The following PTPRD variants were observed in gnomAD, a reference collection of about 807,000 sequenced individuals.
PTPRD encodes protein tyrosine phosphatase receptor type D.
A neutral mutation model predicts 214.5 loss-of-function variants in PTPRD; 34 were observed. The observed-to-expected ratio is 0.16, with a 90% confidence interval of 0.12 to 0.21. The LOEUF (loss-of-function observed/expected upper bound fraction) is 0.21, where lower values mean the gene tolerates loss of function less well. PTPRD is among the 10% of genes least tolerant of loss of function. The pLI, the probability that PTPRD is intolerant of heterozygous loss-of-function variation, is 1.00. For missense variants in PTPRD, 2,545 were observed against 2,398.7 expected (o/e 1.06, Z -1.27); for synonymous variants, 1,128 against 845.7 (o/e 1.33, Z -5.79).
chr9:8,849,207 G>T (rs561894819), intron 11 of PTPRD, among the ~76,000 whole-genome samples: 2 of 118,866 alleles, frequency 1.7e-5, no homozygotes, highest in Admixed American at 2.4e-4. Context: ...ACGGAGTCTC[G>T]CTTTGTCCCC....
At chr9:10,611,904 C>CA (rs2081080002) in intron 2 of PTPRD, among the ~76,000 whole-genome samples, 2 of 104,838 alleles carry the variant, frequency 1.9e-5, no homozygotes, top group Admixed American at 1.0e-4. Flanking sequence ...TTCCCTTTTC[C>CA]GCCCCCCCCC....
Position 9,921,885 on chromosome 9 carries a change from G to C in PTPRD, c.-368+16622C>G, listed in dbSNP as rs554293320. On this transcript the variant is annotated intron_variant, in intron 5 of 45. Transcript: ENST00000381196. ...ATCATTACCTCCATTTTATAAATGAGGAAATGGTGAATCATTAAGCAATTT... is the reference window on the plus strand; with the variant it reads ...ATCATTACCTCCATTTTATAAATGACGAAATGGTGAATCATTAAGCAATTT... 4.1e-4 allele frequency among the ~76,000 whole-genome samples: 63 copies of C among 152,138 alleles called. No individual in the cohort carries two copies. The South Asian group carries it at 6.8e-3, about 17-fold the overall frequency.
At chr9:10,023,961 T>C (rs1169130975) in intron 4 of PTPRD, among the ~76,000 whole-genome samples, 1 of 151,234 alleles carries the variant, frequency 6.6e-6, no homozygotes. Context: ...ACAGCTTTAA[T>C]TGATATGCTC....
At position 10,466,623 on chromosome 9, in the gene PTPRD, CAAAAAAAAAAAAA is replaced by C. The variant is rs66705572; in HGVS notation, c.-599-125619_-599-125607del. ...GGGCAACAAGAGCGAAACTCCAACT[CAAAAAAAAAAAAA>C]AAAAAAAAAAAAAAAGAAAAGAAAT... On this transcript the variant is annotated intron_variant, in intron 2 of 45. Coordinates refer to ENST00000381196, the MANE Select transcript of PTPRD (RefSeq NM_002839.4). 7.8e-5 allele frequency among the ~76,000 whole-genome samples: 6 copies of C among 76,872 alleles called. No homozygotes were observed. The East Asian group carries it at 1.2e-3, about 15-fold the overall frequency. 50.4% of individuals were successfully genotyped at this position (76,872 alleles called of 152,430 possible).
At chr9:10,464,718 G>C (rs1036558340) in intron 2 of PTPRD, among the ~76,000 whole-genome samples, 4 of 151,106 alleles carry the variant, frequency 2.6e-5, no homozygotes, top group African/African-American at 9.8e-5. Context: ...ATTTTTTAAA[G>C]TAGAAAAAAA....
At chr9:8,808,462 C>CTTTTTTTTTT (rs34627797) in intron 11 of PTPRD, among the ~76,000 whole-genome samples, 26 of 98,756 alleles carry the variant, frequency 2.6e-4, no homozygotes, top group East Asian at 3.0e-4. Flanking sequence ...AGCCCCCCAC[C>CTTTTTTTTTT]TTTTTTTTTT....
intron 2 of PTPRD, among the ~76,000 whole-genome samples, chr9:10,510,706 T>C (rs2047711121): frequency 6.6e-6 from 1 of 152,292 alleles, no homozygotes; most frequent in African/African-American, 2.4e-5. Flanking sequence ...TTTCTTTGTG[T>C]TGGAAACATT....
intron 3 of PTPRD, among the ~76,000 whole-genome samples, chr9:10,060,712 A>C (rs1169831215): frequency 6.6e-6 from 1 of 151,836 alleles, no homozygotes; most frequent in Non-Finnish European, 1.5e-5. Context: ...CTTTTTAAAA[A>C]GTATTATATT....
intron 12 of PTPRD, among the ~76,000 whole-genome samples, chr9:8,698,981 C>G (rs1020082251): frequency 7.9e-5 from 12 of 152,098 alleles, no homozygotes; most frequent in Non-Finnish European, 1.5e-4. Context: ...CTGGGCAAAT[C>G]CTTCATGAGA....
rs368672337 is a variant in PTPRD at position 9,496,807 on chromosome 9, T to C, written c.-237+77925A>G. Among the ~76,000 whole-genome samples, 7 of 152,282 alleles carry C rather than the reference T, an allele frequency of 4.6e-5. 1 individual carries two copies. The highest frequency in any genetic ancestry group is 6.5e-5 in the Admixed American group (1 of 15,296). On this transcript the variant is annotated intron_variant, in intron 8 of 45. Transcript: ENST00000381196. ...TTGAAGAGACATTTATACACCCATG[T>C]TTAGTGGCATTATTCACAGTAGCTA... is the stretch of plus-strand genomic sequence containing the variant.
chr9:10,551,082 G>A (rs563378447), intron 2 of PTPRD, among the ~76,000 whole-genome samples: 19 of 152,148 alleles, frequency 1.2e-4, no homozygotes, highest in African/African-American at 3.9e-4. Context: ...GCCTGTAATC[G>A]CAGTCCTTTG....
chr9:8,749,477 C>G (rs942740117), intron 11 of PTPRD, among the ~76,000 whole-genome samples: 1 of 152,176 alleles, frequency 6.6e-6, no homozygotes, highest in Non-Finnish European at 1.5e-5. Context: ...CGTGAGCCAC[C>G]ATGACCAGGT....
At chr9:8,895,436 T>C (rs1032609666) in intron 11 of PTPRD, among the ~76,000 whole-genome samples, 16 of 152,202 alleles carry the variant, frequency 1.1e-4, no homozygotes, top group Admixed American at 1.0e-3. Flanking sequence ...AATTCAGTGA[T>C]AGTGAGTTTG....
Position 8,317,855 on chromosome 9 carries a change from C to G in PTPRD, c.*19G>C, listed in dbSNP as rs753831622. The G allele has an allele frequency of 3.9e-5, 63 of 1,610,832 alleles. No homozygotes were observed. The highest frequency in any genetic ancestry group is 3.3e-5 in the Non-Finnish European group (39 of 1,177,772). ...TATTGAAGGGCCTGTAGTAAAAATC[C>G]AGAATGGGTCAGGGGTTTCTACGTT... is the stretch of plus-strand genomic sequence containing the variant. On this transcript the variant is annotated 3_prime_UTR_variant, in exon 46 of 46. Coordinates refer to ENST00000381196, the MANE Select transcript of PTPRD (RefSeq NM_002839.4).
intron 11 of PTPRD, among the ~76,000 whole-genome samples, chr9:8,798,539 C>A (rs866362902): frequency 6.6e-6 from 1 of 152,298 alleles, no homozygotes; most frequent in African/African-American, 2.4e-5. Context: ...TCTGAACCAT[C>A]TTTAATAAAG....
At chr9:9,266,227 A>C (rs1033398912) in intron 9 of PTPRD, among the ~76,000 whole-genome samples, 4 of 151,432 alleles carry the variant, frequency 2.6e-5, no homozygotes, top group Non-Finnish European at 4.4e-5. Flanking sequence ...AGCCATATAC[A>C]CACCCAGTAT....
chr9:9,129,788 T>C (rs2099839812), intron 10 of PTPRD, among the ~76,000 whole-genome samples: 1 of 152,214 alleles, frequency 6.6e-6, no homozygotes, highest in East Asian at 1.9e-4. Flanking sequence ...TTGTAGTTAT[T>C]TGTCCAACCA....
At chr9:9,561,329 C>A (rs1467275144) in intron 8 of PTPRD, among the ~76,000 whole-genome samples, 1 of 152,168 alleles carries the variant, frequency 6.6e-6, no homozygotes, top group Non-Finnish European at 1.5e-5. Context: ...TGACTTCTGT[C>A]CCCCTAAAAT....
chr9:9,913,350 C>G (rs558633221), intron 5 of PTPRD, among the ~76,000 whole-genome samples: 1 of 151,862 alleles, frequency 6.6e-6, no homozygotes, highest in African/African-American at 2.4e-5. Flanking sequence ...GTGATAAATA[C>G]ATGCTATATA....
Sources: gnomAD v4.1 joint callset for allele counts (sites outside exome capture counted in the v4.1 genomes callset) on GRCh38, gnomAD v4.1.1 for gene constraint, MANE v1.5 for transcripts, NCBI Gene and HGNC (gene_info 2026-07-23, HGNC 2026-07-21) for gene names.